The following VPS54 variants were observed in gnomAD, a reference collection of about 807,000 sequenced individuals.
The protein encoded by VPS54 is vacuolar protein sorting-associated protein 54.
In VPS54, 45 loss-of-function variants were observed where a neutral mutation model predicts 121.5. That is an observed-to-expected ratio of 0.37 (90% CI 0.29 to 0.47). The LOEUF (loss-of-function observed/expected upper bound fraction) is 0.47. Ranked by LOEUF, VPS54 falls within the 20% of genes least tolerant of loss-of-function variation. The pLI is 0.99. For synonymous variants in VPS54, 371 were observed against 385.8 expected (o/e 0.96, Z 0.45); for missense variants, 1,090 against 1,131.4 (o/e 0.96, Z 0.52).
rs1672257831 is a variant in VPS54 at position 63,892,401 on chromosome 2, T to C, written c.*1029A>G. On this transcript the variant is annotated 3_prime_UTR_variant, in exon 23 of 23. Transcript: ENST00000272322. ...ATTCTAATTTTGAAGGTAGGTATTA[T>C]AAAAGTCTTTACTTGTCACCTTATT... 6.6e-6 allele frequency: 1 copy of C among 152,362 alleles called. No homozygotes were observed. Among genetic ancestry groups the C allele is most frequent in the East Asian group, 1.9e-4 (1 of 5,188 alleles). The allele number at this position is 152,362 out of a possible 1,614,324, so 9.4% of individuals were successfully genotyped here.
rs2104576147 is a variant in VPS54 at position 63,968,146 on chromosome 2, C to G, written c.492+811G>C. On this transcript the variant is annotated intron_variant, in intron 5 of 22. Coordinates refer to ENST00000272322, the MANE Select transcript of VPS54 (RefSeq NM_016516.3). ...CTTTCTTACCCTAAAGAACAACTGT[C>G]ACAGACCTATTTGAGAATCTGATGA... Among the ~76,000 whole-genome samples, 3 of 152,202 alleles carry G rather than the reference C, an allele frequency of 2.0e-5. 1 individual carries two copies. Among genetic ancestry groups the G allele is most frequent in the Admixed American group, 2.0e-4 (3 of 15,272 alleles).
At chr2:63,947,979 G>C (rs976075184) in intron 8 of VPS54, among the ~76,000 whole-genome samples, 1 of 152,034 alleles carries the variant, frequency 6.6e-6, no homozygotes, top group South Asian at 2.1e-4. Flanking sequence ...TGGGACTAGA[G>C]GCATGCACCA....
chr2:63,944,622 TTTC>T lies in VPS54; in HGVS notation c.1276_1278del (p.Glu426del). 1 of 1,610,584 alleles carries T rather than the reference TTTC, an allele frequency of 6.2e-7. No individual in the cohort carries two copies. Among genetic ancestry groups the T allele is most frequent in the Non-Finnish European group, 8.5e-7 (1 of 1,178,656 alleles). On this transcript the variant is annotated inframe_deletion, in exon 10 of 23. Coordinates refer to ENST00000272322, the MANE Select transcript of VPS54 (RefSeq NM_016516.3). ...TACTTCACAACAACATCTGTGTCTA[TTTC>T]TTCTGTTTGTGAAACTTTATTAATC...
intron 9 of VPS54, among the ~76,000 whole-genome samples, chr2:63,945,677 AT>A (rs1674946697): frequency 1.3e-5 from 2 of 152,176 alleles, no homozygotes; most frequent in African/African-American, 4.8e-5. Context: ...GTATGTTTGA[AT>A]TGTAATAATT....
chr2:63,954,357 C>T (rs1198664925), intron 7 of VPS54, among the ~76,000 whole-genome samples: 22 of 152,020 alleles, frequency 1.4e-4, no homozygotes, highest in Non-Finnish European at 8.8e-5. Context: ...CATATAAATC[C>T]ATGTATTTAT....
At chr2:63,923,170 G>C (rs532733508) in intron 12 of VPS54, among the ~76,000 whole-genome samples, 27 of 152,100 alleles carry the variant, frequency 1.8e-4, no homozygotes, top group Admixed American at 4.6e-4. Flanking sequence ...AAAAAAATTA[G>C]CCAGGCGTGG....
chr2:63,945,474 T>C lies in VPS54; in HGVS notation c.1246-819A>G, dbSNP rs1021879266. On this transcript the variant is annotated intron_variant, in intron 9 of 22. Transcript: ENST00000272322. The stretch of plus-strand genomic sequence containing the variant: ...AATACCTGGGTGATGATATAATCTA[T>C]ACCAAAAAAACTCATGTCACATGTT... Among the ~76,000 whole-genome samples the C allele has an allele frequency of 2.6e-5, 4 of 152,084 alleles. No homozygotes were observed. In the East Asian group the frequency reaches 7.7e-4, roughly 29 times the overall value.
In VPS54 at chr2:63,984,034, G is replaced by C; in HGVS notation, c.-20-15C>G. The stretch of plus-strand genomic sequence containing the variant: ...TCACCACTCAACTGAAAATGAGTAA[G>C]AAATACTAATTAAGACACCGCAAAT... On this transcript the variant is annotated splice_polypyrimidine_tract_variant and intron_variant, in intron 1 of 22. Coordinates refer to ENST00000272322, the MANE Select transcript of VPS54 (RefSeq NM_016516.3). 1.3e-6 allele frequency: 2 copies of C among 1,575,002 alleles called. No individual in the cohort carries two copies. Among genetic ancestry groups the C allele is most frequent in the Non-Finnish European group, 1.7e-6 (2 of 1,155,332 alleles).
intron 11 of VPS54, 46 bp downstream of exon 11, chr2:63,942,419 G>T: frequency 7.5e-7 from 1 of 1,329,468 alleles, no homozygotes; most frequent in Middle Eastern, 2.1e-4. Context: ...CTAGAAAGCT[G>T]ACTTAATTTT....
At chr2:63,968,476 C>G (rs1018052068) in intron 5 of VPS54, among the ~76,000 whole-genome samples, 1 of 151,518 alleles carries the variant, frequency 6.6e-6, no homozygotes, top group Admixed American at 6.6e-5. Flanking sequence ...CATTGGGAGG[C>G]TGAGGTGGAC....
chr2:63,919,755 T>C, intron 15 of VPS54, 128 bp downstream of exon 15: 1 of 585,994 alleles, frequency 1.7e-6, no homozygotes, highest in Non-Finnish European at 2.9e-6. Context: ...CTGTCAAGTA[T>C]TTACTAAGCT....
At chr2:63,975,146 A>G (rs1676466281) in intron 3 of VPS54, 3 of 918,050 alleles carry the variant, frequency 3.3e-6, no homozygotes, top group Non-Finnish European at 4.7e-6. Context: ...CCTGGGTCCA[A>G]GTGATTCTCA....
intron 8 of VPS54, among the ~76,000 whole-genome samples, chr2:63,948,414 GTTTTT>G (rs560700373): frequency 9.4e-6 from 1 of 106,130 alleles, no homozygotes; most frequent in Admixed American, 1.0e-4. Flanking sequence ...CACTTTTTCG[GTTTTT>G]TTTTTTTTTT....
chr2:63,994,740 C>A (rs1289044293), intron 1 of VPS54, among the ~76,000 whole-genome samples: 1 of 152,184 alleles, frequency 6.6e-6, no homozygotes, highest in African/African-American at 2.4e-5. Context: ...TCAATATAAA[C>A]CTGCAGGAAA....
intron 5 of VPS54, 75 bp downstream of exon 5, chr2:63,968,882 A>C: frequency 7.4e-7 from 1 of 1,359,826 alleles, no homozygotes; most frequent in South Asian, 1.3e-5. Flanking sequence ...AAAAAAGCCA[A>C]ATGAAATCTG....
intron 1 of VPS54, among the ~76,000 whole-genome samples, chr2:63,985,848 C>A (rs1677026960): frequency 6.6e-6 from 1 of 152,130 alleles, no homozygotes; most frequent in East Asian, 1.9e-4. Flanking sequence ...TCATTTATAT[C>A]CACACACATT....
chr2:64,003,839 C>G (rs986779451), intron 1 of VPS54, among the ~76,000 whole-genome samples: 3 of 152,180 alleles, frequency 2.0e-5, no homozygotes, highest in African/African-American at 7.2e-5. Flanking sequence ...TTGCCTCCCC[C>G]AACCCCAACC....
In VPS54 at chr2:64,008,276, T is replaced by C. The variant is rs148352233; in HGVS notation, c.-21+10662A>G. Among the ~76,000 whole-genome samples, 67 of 152,160 alleles carry C rather than the reference T, an allele frequency of 4.4e-4. No individual in the cohort carries two copies. In the East Asian group the frequency reaches 9.5e-3, roughly 21 times the overall value. Reference sequence around the variant, plus strand: ...AAAAATACGAAAAATTAGCCGGGCATGGTGGCATGCACCTGTAATCCCAGC... The same window carrying C: ...AAAAATACGAAAAATTAGCCGGGCACGGTGGCATGCACCTGTAATCCCAGC... On this transcript the variant is annotated intron_variant, in intron 1 of 22. Coordinates refer to ENST00000272322, the MANE Select transcript of VPS54 (RefSeq NM_016516.3).
intron 7 of VPS54, among the ~76,000 whole-genome samples, chr2:63,960,834 A>G (rs1376530713): frequency 6.6e-6 from 1 of 152,220 alleles, no homozygotes; most frequent in Non-Finnish European, 1.5e-5. Context: ...ATGCTGGGGA[A>G]TTCAAAGTAG....
Sources: allele counts gnomAD v4.1 joint callset (sites outside exome capture counted in the v4.1 genomes callset), GRCh38; gene constraint gnomAD v4.1.1; transcripts MANE v1.5; gene names NCBI Gene and HGNC (gene_info 2026-07-23, HGNC 2026-07-21).